Variants in PRAG1 observed in about 807,000 individuals in gnomAD.
PRAG1 encodes the protein inactive tyrosine-protein kinase PRAG1.
A neutral mutation model predicts 95.6 loss-of-function variants in PRAG1; 110 were observed. The ratio of observed to expected loss-of-function variants is 1.15; its 90% CI spans 0.99 to 1.35. PRAG1 has a LOEUF of 1.35. Among genes scored for constraint, PRAG1 ranks in the 40% most tolerant of loss-of-function variants. The pLI, the probability that PRAG1 is intolerant of heterozygous loss-of-function variation, is 0.00. For synonymous variants in PRAG1, 1,052 were observed against 819.4 expected, an observed-to-expected ratio of 1.28 and a Z score of -4.85; for missense variants, 2,554 against 1,864.7, an observed-to-expected ratio of 1.37 and a Z score of -6.81.
intron 3 of PRAG1, among the ~76,000 whole-genome samples, chr8:8,368,763 C>A (rs1409008737): frequency 6.6e-6 from 1 of 152,056 alleles, no homozygotes; most frequent in Admixed American, 6.5e-5. Context: ...TTCCAATGCA[C>A]CTGACAAAGC....
chr8:8,384,347 G>A (rs1048684122), intron 1 of PRAG1, among the ~76,000 whole-genome samples: 13 of 151,936 alleles, frequency 8.6e-5, no homozygotes, highest in African/African-American at 2.9e-4. Flanking sequence ...GCTAGCGTGG[G>A]GGAAGTTTCC....
In PRAG1 at chr8:8,346,624, C is replaced by A. The variant is rs538363773; in HGVS notation, c.2163-6989G>T. Among the ~76,000 whole-genome samples the A allele has an allele frequency of 2.0e-5, 3 of 152,326 alleles. No individual in the cohort carries two copies. The South Asian group carries it at 6.2e-4, about 32-fold the overall frequency. ...TGCTAGACTTCCTCATTCGTAGGAA[C>A]AAGCCTCATCTAAAAATACCCCCGA... On this transcript the variant is annotated intron_variant, in intron 3 of 5. Transcript: ENST00000615670.
chr8:8,318,672 T>C lies in PRAG1; in HGVS notation c.3703A>G (p.Ser1235Gly). 1 of 1,610,988 alleles carries C rather than the reference T, an allele frequency of 6.2e-7. No homozygotes were observed. The highest frequency in any genetic ancestry group is 8.5e-7 in the Non-Finnish European group (1 of 1,179,514). Residue 1235 changes from serine (S) to glycine (G), a missense_variant, in exon 6 of 6, where the codon AGC (serine) becomes GGC (glycine). Coordinates refer to ENST00000615670, the MANE Select transcript of PRAG1 (RefSeq NM_001080826.3). The surrounding 1 kb of genome is among the most constrained non-coding windows in gnomAD (Gnocchi z 4.2). ...ATCTCGGGGGCCAGCCGGGCCTGGC[T>C]CTTCTTCTGCTGCAGGTTTGGGGTG... Reference protein sequence around the residue: ...GGTPNLQQKKSQARLAPEIVS... With the variant: ...GGTPNLQQKKGQARLAPEIVS...
chr8:8,381,476 A>G lies in PRAG1; in HGVS notation c.272T>C (p.Met91Thr), dbSNP rs1434823782. The G allele has an allele frequency of 2.5e-6, 4 of 1,614,208 alleles. No individual in the cohort carries two copies. Among genetic ancestry groups the G allele is most frequent in the Non-Finnish European group, 3.4e-6 (4 of 1,180,008 alleles). ...KPTIAVKPTM[M>T]SSEASDVWTE... ...CCACACATCAGAGGCCTCGGAGCTCATCATGGTGGGCTTCACGGCAATTGT... is the reference window on the plus strand; with the variant it reads ...CCACACATCAGAGGCCTCGGAGCTCGTCATGGTGGGCTTCACGGCAATTGT... Residue 91 changes from methionine (M) to threonine (T), a missense_variant, in exon 2 of 6, where the codon ATG (methionine) becomes ACG (threonine). Coordinates refer to ENST00000615670, the MANE Select transcript of PRAG1 (RefSeq NM_001080826.3).
At chr8:8,351,755 C>T (rs1352529374) in intron 3 of PRAG1, among the ~76,000 whole-genome samples, 15 of 152,100 alleles carry the variant, frequency 9.9e-5, no homozygotes, top group Admixed American at 9.8e-4. Context: ...AGAGAACAAC[C>T]TATTTTATTA....
intron 4 of PRAG1, among the ~76,000 whole-genome samples, chr8:8,334,870 G>A (rs1798937794): frequency 6.6e-6 from 1 of 151,942 alleles, no homozygotes; most frequent in South Asian, 2.1e-4. Flanking sequence ...ATCACTTGAG[G>A]TCAGGAGTTT....
intron 3 of PRAG1, among the ~76,000 whole-genome samples, chr8:8,354,582 G>C (rs528462138): frequency 3.3e-5 from 5 of 152,262 alleles, no homozygotes; most frequent in Admixed American, 3.3e-4. Flanking sequence ...ATTACGTAAT[G>C]TGACCAGTGG....
intron 3 of PRAG1, among the ~76,000 whole-genome samples, chr8:8,373,160 G>C (rs561428018): frequency 6.6e-6 from 1 of 152,240 alleles, no homozygotes; most frequent in African/African-American, 2.4e-5. Context: ...CGGATCAACT[G>C]CTGGCTGCAT....
At chr8:8,350,714 G>C (rs1216354525) in intron 3 of PRAG1, among the ~76,000 whole-genome samples, 1 of 152,202 alleles carries the variant, frequency 6.6e-6, no homozygotes, top group Non-Finnish European at 1.5e-5. Context: ...TTCGGGTCCT[G>C]ACTCAATGCT....
intron 3 of PRAG1, among the ~76,000 whole-genome samples, chr8:8,373,285 G>T (rs369621448): frequency 5.1e-4 from 78 of 152,310 alleles, no homozygotes; most frequent in African/African-American, 1.9e-3. Context: ...GTCAGCATAT[G>T]TTCCCAGGCC....
rs373585301 is a variant in PRAG1 at position 8,376,948 on chromosome 8, C to T, written c.1461G>A (p.Thr487=). The T allele has an allele frequency of 5.0e-5, 81 of 1,613,312 alleles. No homozygotes were observed. The Middle Eastern group carries it at 8.2e-4, about 16-fold the overall frequency. ...CAGAGTCAGGGCTGCTCAGGTAGAT[C>T]GTCCGATGGTCCTCTTCCGGGTGGG... ...MAAHPEEDHR[T]IYLSSPDSAV... is the part of the protein sequence containing the mutation. The change falls in exon 3 of 6, where the codon ACG becomes ACA. Residue 487 remains threonine, a synonymous_variant. Transcript: ENST00000615670.
chr8:8,329,015 G>T lies in PRAG1; in HGVS notation c.2321-554C>A, dbSNP rs141907694. On this transcript the variant is annotated intron_variant, in intron 4 of 5. Coordinates refer to ENST00000615670, the MANE Select transcript of PRAG1 (RefSeq NM_001080826.3). Reference sequence around the variant, plus strand: ...ATATTTTGCAAACAATGCTGCAACAGCAATAACAAACTCGAACATGTGTGG... The same window carrying T: ...ATATTTTGCAAACAATGCTGCAACATCAATAACAAACTCGAACATGTGTGG... Among the ~76,000 whole-genome samples, 173 of 152,276 alleles carry T rather than the reference G, an allele frequency of 1.1e-3. 3 individuals carry two copies. Among genetic ancestry groups the T allele is most frequent in the South Asian group, 1.0e-3 (5 of 4,830 alleles).
chr8:8,363,332 T>C (rs953517517), intron 3 of PRAG1, among the ~76,000 whole-genome samples: 9 of 152,136 alleles, frequency 5.9e-5, no homozygotes, highest in East Asian at 5.8e-4. Flanking sequence ...AGACCAAATA[T>C]GTATTTCACA....
intron 3 of PRAG1, among the ~76,000 whole-genome samples, chr8:8,358,508 G>T (rs563001643): frequency 6.6e-6 from 1 of 152,108 alleles, no homozygotes; most frequent in African/African-American, 2.4e-5. Flanking sequence ...GGTTTTTCAG[G>T]TGACCAACTC....
At chr8:8,325,786 G>A (rs933841779) in intron 5 of PRAG1, among the ~76,000 whole-genome samples, 1 of 151,856 alleles carries the variant, frequency 6.6e-6, no homozygotes, top group Non-Finnish European at 1.5e-5. Flanking sequence ...AGGGGGCGGC[G>A]CCTGTAGTCC....
At chr8:8,328,822 C>T (rs990451263) in intron 4 of PRAG1, among the ~76,000 whole-genome samples, 9 of 152,132 alleles carry the variant, frequency 5.9e-5, no homozygotes, top group African/African-American at 2.2e-4. Context: ...AAAGAGCAAA[C>T]GGTGGCTACT....
chr8:8,319,717 TA>T (rs1180840415), intron 5 of PRAG1, among the ~76,000 whole-genome samples: 3 of 151,700 alleles, frequency 2.0e-5, no homozygotes, highest in Admixed American at 6.6e-5. Context: ...ACAGCCCAAT[TA>T]AAAAAGGATA....
intron 5 of PRAG1, among the ~76,000 whole-genome samples, chr8:8,324,285 T>C (rs925215059): frequency 2.0e-5 from 3 of 152,164 alleles, no homozygotes; most frequent in Non-Finnish European, 4.4e-5. Flanking sequence ...AGCAAACACT[T>C]GAGGCCTGGA....
chr8:8,376,844 C>T lies in PRAG1; in HGVS notation c.1565G>A (p.Gly522Glu). ...AGCATGGCTTTCCCTGGAGCTCAGC[C>T]CCTGCCCAGCCGAAGTCTCCTCTTC... ...VGEEETSAGQ[G>E]LSSRESHAHS... Residue 522 changes from glycine (G) to glutamate (E), a missense_variant, in exon 3 of 6, where the codon GGG becomes GAG. Gly to Glu is a moderately conservative substitution (Grantham distance 98). Transcript: ENST00000615670. 2.5e-6 allele frequency: 4 copies of T among 1,612,898 alleles called. No individual in the cohort carries two copies. Among genetic ancestry groups the T allele is most frequent in the Non-Finnish European group, 3.4e-6 (4 of 1,179,992 alleles).
Sources: allele counts gnomAD v4.1 joint callset (sites outside exome capture counted in the v4.1 genomes callset), GRCh38; gene constraint gnomAD v4.1.1; non-coding constraint Gnocchi (gnomAD v3.1); transcripts MANE v1.5; gene names NCBI Gene and HGNC (gene_info 2026-07-23, HGNC 2026-07-21).